The following ZFAT variants were observed in gnomAD, a reference collection of about 807,000 sequenced individuals.
The protein encoded by ZFAT is zinc finger and AT-hook domain containing.
ZFAT carries 64 observed loss-of-function variants against 117.7 expected under a neutral mutation model. That is an observed-to-expected ratio of 0.54 (90% CI 0.44 to 0.67). The LOEUF (loss-of-function observed/expected upper bound fraction) is 0.67, where lower values mean the gene tolerates loss of function less well. ZFAT is among the 30% of genes least tolerant of loss of function. The pLI, the probability that ZFAT is intolerant of heterozygous loss-of-function variation, is 0.00. For missense variants in ZFAT, 1,433 were observed against 1,584.5 expected, an observed-to-expected ratio of 0.90 and a Z score of 1.62; for synonymous variants, 679 against 615.0, an observed-to-expected ratio of 1.10 and a Z score of -1.54.
chr8:134,790,763 G>C, the ZFAT span, among the ~76,000 whole-genome samples: 131 of 151,954 alleles, frequency 8.6e-4, no homozygotes, highest in African/African-American at 3.0e-3. Context: ...GACTGTAATC[G>C]TAACACTTTG....
intron 1 of ZFAT, among the ~76,000 whole-genome samples, chr8:134,663,547 G>A (rs1167245953): frequency 6.6e-6 from 1 of 152,034 alleles, no homozygotes; most frequent in Non-Finnish European, 1.5e-5. Context: ...AACCAGCCTG[G>A]CCAACATGGT....
the ZFAT span, among the ~76,000 whole-genome samples, chr8:134,778,605 A>C: frequency 6.3e-4 from 96 of 152,316 alleles, no homozygotes; most frequent in African/African-American, 2.1e-3. Flanking sequence ...AAAGAACACT[A>C]TTGCAGTGTG....
At chr8:134,611,817 G>A (rs914524876) in intron 3 of ZFAT, among the ~76,000 whole-genome samples, 5 of 152,246 alleles carry the variant, frequency 3.3e-5, no homozygotes, top group Non-Finnish European at 5.9e-5. Flanking sequence ...GCCGGGAAGG[G>A]CTGGATTATA....
At chr8:134,510,543 T>C (rs987812824) in intron 14 of ZFAT, among the ~76,000 whole-genome samples, 15 of 152,148 alleles carry the variant, frequency 9.9e-5, no homozygotes, top group African/African-American at 3.4e-4. Flanking sequence ...ACGTGTCTCA[T>C]GCAGAAGGTA....
intron 11 of ZFAT, among the ~76,000 whole-genome samples, chr8:134,544,056 C>T (rs924133449): frequency 5.9e-5 from 9 of 152,192 alleles, no homozygotes; most frequent in Admixed American, 1.3e-4. Flanking sequence ...CCATTCTTCA[C>T]GAGCCTCATC....
intron 11 of ZFAT, among the ~76,000 whole-genome samples, chr8:134,543,415 C>T (rs936681838): frequency 3.3e-5 from 5 of 152,272 alleles, no homozygotes; most frequent in South Asian, 2.1e-4. Context: ...ATCTCACTCC[C>T]GCAGCTGCCA....
At chr8:134,487,222 C>A (rs571708874) in intron 15 of ZFAT, among the ~76,000 whole-genome samples, 1 of 152,288 alleles carries the variant, frequency 6.6e-6, no homozygotes, top group East Asian at 1.9e-4. Flanking sequence ...AGGTAAAAGA[C>A]ATCTCTCCTG....
intron 10 of ZFAT, among the ~76,000 whole-genome samples, chr8:134,577,287 A>C (rs576365234): frequency 2.0e-5 from 3 of 152,350 alleles, no homozygotes; most frequent in East Asian, 3.9e-4. Context: ...TACAGTAATG[A>C]GTTCCTTTGG....
At chr8:134,566,582 T>C (rs1174438674) in intron 10 of ZFAT, among the ~76,000 whole-genome samples, 1 of 152,160 alleles carries the variant, frequency 6.6e-6, no homozygotes, top group Admixed American at 6.5e-5. Flanking sequence ...CGTATAGCAG[T>C]AAAGAATTCA....
At position 134,553,015 on chromosome 8, in the gene ZFAT, G is replaced by A. The variant is rs118148506; in HGVS notation, c.2976+12318C>T. 2.0e-4 allele frequency among the ~76,000 whole-genome samples: 30 copies of A among 152,302 alleles called. No homozygotes were observed. In the East Asian group the frequency reaches 5.4e-3, roughly 27 times the overall value. On this transcript the variant is annotated intron_variant, in intron 11 of 15. Coordinates refer to ENST00000377838, the MANE Select transcript of ZFAT (RefSeq NM_020863.4). ...GGCCTTGTGGCATGTCCTGTGCGAT[G>A]CAAAAAATGGGTGAGAGGTAGTGAT... is the stretch of plus-strand genomic sequence containing the variant.
At chr8:134,492,865 G>A (rs567456348) in intron 15 of ZFAT, among the ~76,000 whole-genome samples, 18 of 152,186 alleles carry the variant, frequency 1.2e-4, no homozygotes, top group Non-Finnish European at 2.1e-4. Flanking sequence ...GGCAATATGT[G>A]CAAGAAACTT....
chr8:134,667,648 T>C (rs1159250704), intron 1 of ZFAT, among the ~76,000 whole-genome samples: 2 of 149,422 alleles, frequency 1.3e-5, no homozygotes, highest in African/African-American at 4.9e-5. Flanking sequence ...GATAGCTGAA[T>C]AGGAACAGCT....
the ZFAT span, chr8:134,794,733 G>A: frequency 6.6e-6 from 1 of 152,144 alleles, no homozygotes; most frequent in African/African-American, 2.4e-5. Context: ...AAACCCTAAC[G>A]TTCTTATAAT....
intron 3 of ZFAT, among the ~76,000 whole-genome samples, chr8:134,634,793 AC>A (rs1830105957): frequency 6.6e-6 from 1 of 152,148 alleles, no homozygotes; most frequent in Non-Finnish European, 1.5e-5. Flanking sequence ...AAGACTCTGT[AC>A]TCTGCTGTGA....
chr8:134,554,475 G>A (rs1823414827), intron 11 of ZFAT, among the ~76,000 whole-genome samples: 1 of 152,194 alleles, frequency 6.6e-6, no homozygotes, highest in African/African-American at 2.4e-5. Flanking sequence ...CCAGCATAGT[G>A]ACCCATCAAC....
intron 3 of ZFAT, among the ~76,000 whole-genome samples, chr8:134,616,936 T>A (rs7011157): frequency 0.59 from 89,431 of 152,058 alleles, 27,213 homozygotes; most frequent in East Asian, 0.89. Flanking sequence ...GGCTGTAAGG[T>A]GGAAGAACAC....
intron 12 of ZFAT, among the ~76,000 whole-genome samples, chr8:134,531,869 C>T (rs939822374): frequency 1.3e-5 from 2 of 152,170 alleles, no homozygotes; most frequent in South Asian, 2.1e-4. Context: ...TTACAGCGAG[C>T]GGAGCTTCAC....
intron 15 of ZFAT, among the ~76,000 whole-genome samples, chr8:134,502,201 T>A (rs1015312374): frequency 3.9e-5 from 6 of 152,174 alleles, no homozygotes; most frequent in African/African-American, 1.4e-4. Context: ...AGTCTGAGCA[T>A]CCCTTCAGGT....
At chr8:134,691,597 T>C (rs1052204977) in intron 1 of ZFAT, among the ~76,000 whole-genome samples, 5 of 152,270 alleles carry the variant, frequency 3.3e-5, no homozygotes, top group African/African-American at 4.8e-5. Flanking sequence ...AGGAACTTCA[T>C]TCTTCAAGTC....
Sources: gnomAD v4.1 joint callset for allele counts (sites outside exome capture counted in the v4.1 genomes callset) on GRCh38, gnomAD v4.1.1 for gene constraint, MANE v1.5 for transcripts, NCBI Gene and HGNC (gene_info 2026-07-23, HGNC 2026-07-21) for gene names.